The following TMEM132D variants were observed in gnomAD, a reference collection of about 807,000 sequenced individuals.
TMEM132D encodes the protein transmembrane protein 132D.
TMEM132D carries 21 observed loss-of-function variants against 62.3 expected under a neutral mutation model. The ratio of observed to expected loss-of-function variants is 0.34; its 90% CI spans 0.24 to 0.49. TMEM132D has a LOEUF of 0.49. Among genes scored for constraint, TMEM132D ranks in the 20% least tolerant of loss-of-function variants. TMEM132D has a pLI of 0.99. For synonymous variants in TMEM132D, 621 were observed against 575.6 expected (o/e 1.08, Z -1.13); for missense variants, 1,346 against 1,402.8 (o/e 0.96, Z 0.65).
At chr12:129,868,283 C>G (rs755090852) in intron 1 of TMEM132D, among the ~76,000 whole-genome samples, 6 of 152,198 alleles carry the variant, frequency 3.9e-5, no homozygotes, top group Non-Finnish European at 7.3e-5. Flanking sequence ...ATGGTACACA[C>G]ATGAGACAGC....
chr12:129,688,109 C>A (rs1172233324), intron 2 of TMEM132D, among the ~76,000 whole-genome samples: 2 of 152,156 alleles, frequency 1.3e-5, no homozygotes, highest in African/African-American at 4.8e-5. Context: ...GCTGGAGCCA[C>A]TGGGGATTAA....
chr12:129,749,624 T>TA (rs1320508888), intron 1 of TMEM132D, among the ~76,000 whole-genome samples: 1 of 21,850 alleles, frequency 4.6e-5, no homozygotes, highest in African/African-American at 9.6e-5. Flanking sequence ...GCCCCACTAA[T>TA]TTTTTTTTGT....
At chr12:129,806,659 A>G (rs907922584) in intron 1 of TMEM132D, among the ~76,000 whole-genome samples, 64 of 152,006 alleles carry the variant, frequency 4.2e-4, no homozygotes, top group African/African-American at 1.5e-3. Context: ...TAACCTGCAC[A>G]ATGTGCACAT....
At chr12:129,454,728 C>G (rs1463106704) in intron 3 of TMEM132D, among the ~76,000 whole-genome samples, 1 of 152,204 alleles carries the variant, frequency 6.6e-6, no homozygotes, top group Non-Finnish European at 1.5e-5. Context: ...TACAAAAGAA[C>G]TGATTCCACC....
chr12:129,364,753 G>C (rs545589860), intron 3 of TMEM132D, among the ~76,000 whole-genome samples: 56 of 152,270 alleles, frequency 3.7e-4, no homozygotes, highest in African/African-American at 1.3e-3. Context: ...TGTTGTTCAA[G>C]CTGCTGGAAT....
intron 2 of TMEM132D, among the ~76,000 whole-genome samples, chr12:129,576,393 AGAAC>A (rs1289709232): frequency 1.3e-5 from 2 of 151,906 alleles, no homozygotes; most frequent in Non-Finnish European, 2.9e-5. Context: ...CCAGAGAAAC[AGAAC>A]AACAGAATAT....
chr12:129,197,217 A>G (rs1241777309), intron 5 of TMEM132D, among the ~76,000 whole-genome samples: 4 of 152,190 alleles, frequency 2.6e-5, no homozygotes, highest in Non-Finnish European at 5.9e-5. Flanking sequence ...ATTTTTATAT[A>G]TCCACTCTGT....
rs558964840 is a variant in TMEM132D at position 129,472,582 on chromosome 12, C to T, written c.1115+58477G>A. Among the ~76,000 whole-genome samples, 462 of 152,018 alleles carry T rather than the reference C, an allele frequency of 3.0e-3. 2 individuals carry two copies. The highest frequency in any genetic ancestry group is 4.7e-3 in the Non-Finnish European group (320 of 67,992). On this transcript the variant is annotated intron_variant, in intron 3 of 8. Coordinates refer to ENST00000422113, the MANE Select transcript of TMEM132D (RefSeq NM_133448.3). ...ACCTGCATGTTCAGCACGTGTATCC[C>T]GGAACTTAAAGTAAAAAACAAACAA...
chr12:129,843,233 T>TA (rs1311327565), intron 1 of TMEM132D, among the ~76,000 whole-genome samples: 1 of 152,044 alleles, frequency 6.6e-6, no homozygotes, highest in Non-Finnish European at 1.5e-5. Flanking sequence ...TTTTCCAAAA[T>TA]AAAAAAACAT....
chr12:129,590,154 A>G (rs1878148819), intron 2 of TMEM132D, among the ~76,000 whole-genome samples: 1 of 151,906 alleles, frequency 6.6e-6, no homozygotes, highest in East Asian at 1.9e-4. Flanking sequence ...ACCCTGTCCA[A>G]TTTATCTGTG....
intron 1 of TMEM132D, among the ~76,000 whole-genome samples, chr12:129,758,745 T>G (rs1329664325): frequency 6.6e-6 from 1 of 152,174 alleles, no homozygotes; most frequent in African/African-American, 2.4e-5. Context: ...TATTAAAATT[T>G]CAGTACCTTG....
intron 1 of TMEM132D, among the ~76,000 whole-genome samples, chr12:129,803,773 C>T (rs1871877090): frequency 6.6e-6 from 1 of 151,506 alleles, no homozygotes; most frequent in African/African-American, 2.4e-5. Context: ...AAAGGATCAA[C>T]AAAATAGATA....
At chr12:129,335,323 A>C (rs1869238484) in intron 4 of TMEM132D, among the ~76,000 whole-genome samples, 2 of 151,534 alleles carry the variant, frequency 1.3e-5, no homozygotes, top group Admixed American at 1.3e-4. Context: ...TTTTTAGTAG[A>C]GATGGGGTTT....
intron 1 of TMEM132D, among the ~76,000 whole-genome samples, chr12:129,746,883 CTT>C (rs1354653496): frequency 1.3e-5 from 2 of 152,108 alleles, no homozygotes; most frequent in East Asian, 3.9e-4. Flanking sequence ...TCTCTCTTCT[CTT>C]TGTCTCAGGC....
intron 1 of TMEM132D, among the ~76,000 whole-genome samples, chr12:129,782,921 C>G (rs981537379): frequency 2.6e-5 from 4 of 152,322 alleles, no homozygotes; most frequent in Middle Eastern, 6.8e-3. Context: ...GAGACAGGCT[C>G]TCTGTGATAT....
intron 5 of TMEM132D, among the ~76,000 whole-genome samples, chr12:129,135,972 T>A (rs1270020078): frequency 2.6e-5 from 4 of 152,204 alleles, no homozygotes; most frequent in Admixed American, 2.6e-4. Flanking sequence ...ATGAACCTAT[T>A]CTCAAATATG....
At chr12:129,620,144 A>G (rs1431673327) in intron 2 of TMEM132D, among the ~76,000 whole-genome samples, 1 of 152,232 alleles carries the variant, frequency 6.6e-6, no homozygotes, top group Non-Finnish European at 1.5e-5. Flanking sequence ...AGCAGGCTGA[A>G]GCTGGCAACT....
intron 4 of TMEM132D, among the ~76,000 whole-genome samples, chr12:129,247,239 G>A (rs372808643): frequency 2.3e-4 from 35 of 152,238 alleles, no homozygotes; most frequent in African/African-American, 7.2e-4. Flanking sequence ...AGTCGTTGGG[G>A]TTGGGATTTA....
At chr12:129,082,807 G>A (rs1482667710) in intron 6 of TMEM132D, among the ~76,000 whole-genome samples, 1 of 152,200 alleles carries the variant, frequency 6.6e-6, no homozygotes, top group African/African-American at 2.4e-5. Flanking sequence ...TCAGCTCACT[G>A]CAGCCTCGAA....
Sources: allele counts gnomAD v4.1 joint callset (sites outside exome capture counted in the v4.1 genomes callset), GRCh38; gene constraint gnomAD v4.1.1; transcripts MANE v1.5; gene names NCBI Gene and HGNC (gene_info 2026-07-23, HGNC 2026-07-21).